The following CNOT6 variants were observed in gnomAD, a reference collection of about 807,000 sequenced individuals.
The protein encoded by CNOT6 is carbon catabolite repression 4 protein.
In CNOT6, 12 loss-of-function variants were observed where a neutral mutation model predicts 61.2. That is an observed-to-expected ratio of 0.20 (90% CI 0.13 to 0.32). The LOEUF (loss-of-function observed/expected upper bound fraction) is 0.32. Among genes scored for constraint, CNOT6 ranks in the 10% least tolerant of loss-of-function variants. The probability of loss-of-function intolerance (pLI) is 1.00; values close to 1 mark genes in which losing one functional copy is unlikely to be tolerated. For synonymous variants in CNOT6, 225 were observed against 240.6 expected (o/e 0.94, Z 0.60); for missense variants, 405 against 663.9 (o/e 0.61, Z 4.28).
intron 2 of CNOT6, chr5:180,534,635 T>C (rs1293293837): frequency 6.6e-6 from 1 of 152,066 alleles, no homozygotes; most frequent in Non-Finnish European, 1.5e-5. Flanking sequence ...GCCCTCGGAA[T>C]CCACCATGGC....
chr5:180,511,215 C>T (rs911666334), intron 1 of CNOT6, among the ~76,000 whole-genome samples: 1 of 152,036 alleles, frequency 6.6e-6, no homozygotes, highest in African/African-American at 2.4e-5. Context: ...CAGTGGCTCG[C>T]GCCTGTAATC....
chr5:180,504,560 C>G (rs1484223460), intron 1 of CNOT6, among the ~76,000 whole-genome samples: 1 of 152,100 alleles, frequency 6.6e-6, no homozygotes, highest in East Asian at 1.9e-4. Context: ...TGCAAAGATT[C>G]ATGTTGGCAT....
chr5:180,541,940 A>T (rs941731125), intron 2 of CNOT6, among the ~76,000 whole-genome samples: 1 of 151,280 alleles, frequency 6.6e-6, no homozygotes, highest in Non-Finnish European at 1.5e-5. Flanking sequence ...CTGCAGCCTC[A>T]AACTCCTGGC....
chr5:180,568,918 G>A (rs891253450), intron 9 of CNOT6, among the ~76,000 whole-genome samples, 192 bp from the exon 10 acceptor site: 2 of 152,204 alleles, frequency 1.3e-5, no homozygotes, highest in African/African-American at 4.8e-5. Context: ...CCCTGTGCTG[G>A]AAGCATCAGC....
At chr5:180,563,892 C>T (rs1269375468) in intron 4 of CNOT6, among the ~76,000 whole-genome samples, 2 of 152,132 alleles carry the variant, frequency 1.3e-5, no homozygotes, top group Non-Finnish European at 2.9e-5. Context: ...CATTTTGGAA[C>T]AAAGCAGTTA....
chr5:180,533,926 G>A (rs1758535853), intron 2 of CNOT6, among the ~76,000 whole-genome samples: 1 of 152,166 alleles, frequency 6.6e-6, no homozygotes, highest in Non-Finnish European at 1.5e-5. Context: ...TTATGGCTTA[G>A]GTGGTGGCAT....
intron 11 of CNOT6, among the ~76,000 whole-genome samples, 181 bp from the exon 12 acceptor site, chr5:180,573,807 A>G (rs1309323264): frequency 1.3e-5 from 2 of 152,160 alleles, no homozygotes; most frequent in African/African-American, 4.8e-5. Context: ...TCATTCTGCT[A>G]GATTTGACAT....
At chr5:180,532,329 C>T (rs1339257766) in intron 2 of CNOT6, among the ~76,000 whole-genome samples, 1 of 152,140 alleles carries the variant, frequency 6.6e-6, no homozygotes, top group Non-Finnish European at 1.5e-5. Context: ...TTAGGATACG[C>T]AAGAAAGCAC....
In CNOT6 at chr5:180,539,551, C is replaced by T. The variant is rs563655348; in HGVS notation, c.112+10163C>T. On this transcript the variant is annotated intron_variant, in intron 2 of 11. Transcript: ENST00000261951. ...ATTTGACTTCAGTACTTTTTCTGTTCTTTTTTTTTTTTTTTTTTTTTTTTT... is the reference window on the plus strand; with the variant it reads ...ATTTGACTTCAGTACTTTTTCTGTTTTTTTTTTTTTTTTTTTTTTTTTTTT... Among the ~76,000 whole-genome samples, 196 of 37,094 alleles carry T rather than the reference C, an allele frequency of 5.3e-3. 3 individuals are homozygous for T. Among genetic ancestry groups the T allele is most frequent in the African/African-American group, 0.012 (154 of 13,248 alleles). 24.3% of individuals were successfully genotyped at this position (37,094 alleles called of 152,430 possible).
intron 1 of CNOT6, among the ~76,000 whole-genome samples, chr5:180,513,531 G>A (rs1167039373): frequency 6.7e-6 from 1 of 150,344 alleles, no homozygotes; most frequent in Non-Finnish European, 1.5e-5. Context: ...GTGCCACCAG[G>A]CCCAGCTAAT....
chr5:180,530,210 A>T lies in CNOT6; in HGVS notation c.112+822A>T, dbSNP rs896092234. Among the ~76,000 whole-genome samples the T allele has an allele frequency of 2.0e-5, 3 of 152,214 alleles. No individual in the cohort carries two copies. The East Asian group carries it at 5.8e-4, about 29-fold the overall frequency. On this transcript the variant is annotated intron_variant, in intron 2 of 11. Coordinates refer to ENST00000261951, the MANE Select transcript of CNOT6 (RefSeq NM_001370472.1). ...TTTCACCTGACCGCCCTTGATTTTT[A>T]AAAATTTAATGCAGCAGACATACTG...
At chr5:180,502,293 A>C (rs904914021) in intron 1 of CNOT6, among the ~76,000 whole-genome samples, 6 of 152,180 alleles carry the variant, frequency 3.9e-5, no homozygotes, top group South Asian at 2.1e-4. Flanking sequence ...AATAAAAAAA[A>C]CTCTTTCTCA....
Position 180,578,182 on chromosome 5 carries a change from C to G in CNOT6, c.*3982C>G, listed in dbSNP as rs1761091520. 1 of 152,582 alleles carries G rather than the reference C, an allele frequency of 6.6e-6. No individual in the cohort carries two copies. Among genetic ancestry groups the G allele is most frequent in the Admixed American group, 6.5e-5 (1 of 15,278 alleles). 9.5% of individuals were successfully genotyped at this position (152,582 alleles called of 1,614,324 possible). ...TTATTGGCTGTTATTCTGTATAACA[C>G]TCATATCTTTGCCAAAGTTCAATTT... is the stretch of plus-strand genomic sequence containing the variant. On this transcript the variant is annotated 3_prime_UTR_variant, in exon 12 of 12. Transcript: ENST00000261951.
At chr5:180,515,452 ATAGT>A (rs59011113) in intron 1 of CNOT6, among the ~76,000 whole-genome samples, 63,475 of 151,672 alleles carry the variant, frequency 0.42, 14,724 homozygotes, top group Non-Finnish European at 0.54. Flanking sequence ...AAGTGAGAAA[ATAGT>A]TAGCTAAGTT....
At chr5:180,501,681 T>G (rs1255556152) in intron 1 of CNOT6, among the ~76,000 whole-genome samples, 2 of 152,214 alleles carry the variant, frequency 1.3e-5, no homozygotes, top group Non-Finnish European at 2.9e-5. Flanking sequence ...TATGCAAGTG[T>G]GAAACTTATG....
At chr5:180,518,062 G>A (rs901260047) in intron 1 of CNOT6, among the ~76,000 whole-genome samples, 41 of 152,066 alleles carry the variant, frequency 2.7e-4, no homozygotes, top group African/African-American at 9.2e-4. Context: ...ATCATTGCCA[G>A]CTCTTTTTTT....
At chr5:180,531,321 C>T (rs1758361473) in intron 2 of CNOT6, among the ~76,000 whole-genome samples, 1 of 149,830 alleles carries the variant, frequency 6.7e-6, no homozygotes, top group Non-Finnish European at 1.5e-5. Context: ...AGCGGTCGGG[C>T]AGAGACACTC....
chr5:180,554,417 T>TAA (rs33948602), intron 4 of CNOT6, among the ~76,000 whole-genome samples: 15 of 141,162 alleles, frequency 1.1e-4, no homozygotes, highest in African/African-American at 3.9e-4. Context: ...GACTCTGTCT[T>TAA]AAAAAAAAAA....
At chr5:180,499,141 A>G (rs572267341) in intron 1 of CNOT6, among the ~76,000 whole-genome samples, 1 of 152,312 alleles carries the variant, frequency 6.6e-6, no homozygotes, top group South Asian at 2.1e-4. Flanking sequence ...GTGGTCCCTT[A>G]AGGGACTTTA....
Sources: allele counts gnomAD v4.1 joint callset (sites outside exome capture counted in the v4.1 genomes callset), GRCh38; gene constraint gnomAD v4.1.1; transcripts MANE v1.5; gene names NCBI Gene and HGNC (gene_info 2026-07-23, HGNC 2026-07-21).